The following SSH3 variants were observed in gnomAD, a reference collection of about 807,000 sequenced individuals.
SSH3 encodes slingshot protein phosphatase 3, also known as protein phosphatase Slingshot homolog 3.
SSH3 carries 67 observed loss-of-function variants against 75.0 expected under a neutral mutation model. That is an observed-to-expected ratio of 0.89 (90% confidence interval 0.73 to 1.10). The LOEUF is 1.10. SSH3 is among the 50% of genes least tolerant of loss of function. The pLI is 0.00. For synonymous variants in SSH3, 318 were observed against 349.2 expected (o/e 0.91, Z 1.00); for missense variants, 824 against 872.7 (o/e 0.94, Z 0.70).
chr11:67,309,227 T>C lies in SSH3; in HGVS notation c.1062-170T>C, dbSNP rs2134782413. ...GCCCAGCAGGGCAAGATGATTGGTC[T>C]AAGGTCGCAGCCAGGTGACAGCTGG... On this transcript the variant is annotated intron_variant, in intron 10 of 13. Coordinates refer to ENST00000308127, the MANE Select transcript of SSH3 (RefSeq NM_017857.4). 6 of 783,594 alleles carry C rather than the reference T, an allele frequency of 7.7e-6. No individual in the cohort carries two copies. The South Asian group carries it at 1.1e-4, about 14-fold the overall frequency. 48.5% of individuals were successfully genotyped at this position (783,594 alleles called of 1,614,324 possible). A position where few individuals can be genotyped will look rare whatever the true frequency, so the allele number is the denominator to read the frequency against.
rs780363712 is a variant in SSH3, at chr11:67,305,051, C to T, written c.339+44C>T. 2.8e-5 allele frequency: 43 copies of T among 1,554,110 alleles called. No homozygotes were observed. The East Asian group carries it at 2.8e-4, about 10-fold the overall frequency. ...CTCCGGGGGGTGGGGGGAAGAGACA[C>T]GCCTGAGGGCAGAATGGAGCCCTGT... is the stretch of plus-strand genomic sequence containing the variant. On this transcript the variant is annotated intron_variant, in intron 3 of 13. Transcript: ENST00000308127.
rs1159311649 is a variant in SSH3 at position 67,307,469 on chromosome 11, C to T, written c.602+33C>T. 2 of 1,613,772 alleles carry T rather than the reference C, an allele frequency of 1.2e-6. No individual in the cohort carries two copies. The highest frequency in any genetic ancestry group is 1.3e-5 in the African/African-American group (1 of 75,062). On this transcript the variant is annotated intron_variant, in intron 6 of 13. Coordinates refer to ENST00000308127, the MANE Select transcript of SSH3 (RefSeq NM_017857.4). The surrounding 1 kb of genome is among the most constrained non-coding windows in gnomAD (Gnocchi z 4.2). ...CAGAGACTGCCTGGACTCAGGCCAG[C>T]CTCTCCTTCGAAGGAGGCTGCAGGG...
Position 67,303,547 on chromosome 11 carries a change from C to T in SSH3, c.-79C>T, listed in dbSNP as rs1287578495. 4 of 1,417,440 alleles carry T rather than the reference C, an allele frequency of 2.8e-6. No homozygotes were observed. In the Admixed American group the frequency reaches 8.9e-5, roughly 32 times the overall value. The allele number at this position is 1,417,440 out of a possible 1,614,324, so 87.8% of individuals were successfully genotyped here. ...GTGGCGCCGTCCGTCCTTCCTGGTC[C>T]TGCGGGTCCAGGACTGTCCGCGGGG... is the stretch of plus-strand genomic sequence containing the variant. On this transcript the variant is annotated 5_prime_UTR_variant, in exon 1 of 14. Coordinates refer to ENST00000308127, the MANE Select transcript of SSH3 (RefSeq NM_017857.4).
intron 1 of SSH3, chr11:67,303,914 C>A (rs1229366663): frequency 1.3e-6 from 1 of 780,600 alleles, no homozygotes; most frequent in Non-Finnish European, 1.9e-6. Context: ...TCTGAGCGCG[C>A]CCCCCGCCAC....
Position 67,310,343 on chromosome 11 carries a change from A to G in SSH3, c.1683+4A>G. 1 of 1,600,538 alleles carries G rather than the reference A, an allele frequency of 6.2e-7. No individual in the cohort carries two copies. Among genetic ancestry groups the G allele is most frequent in the Non-Finnish European group, 8.5e-7 (1 of 1,171,500 alleles). The stretch of plus-strand genomic sequence containing the variant: ...AGAGACCAGTGACATGCCAGAGGTG[A>G]GGCTGGGGCTGGGGGAGCTCAGCTT... On this transcript the variant is annotated splice_donor_region_variant and intron_variant, in intron 13 of 13. Coordinates refer to ENST00000308127, the MANE Select transcript of SSH3 (RefSeq NM_017857.4).
rs772881395 is a variant in SSH3, at chr11:67,307,094, G to C, written c.517G>C (p.Val173Leu). The change falls in exon 5 of 14, where the codon GTG becomes CTG. Residue 173 changes from valine (V) to leucine (L), a missense_variant. Transcript: ENST00000308127. The surrounding 1 kb of genome is among the most constrained non-coding windows in gnomAD (Gnocchi z 4.2). ...CTTGCCCCTCTGGAGTGACACCCAG[G>C]TGTACTTAGATGGAGACGGGTAAGC... ...LVLPLWSDTQVYLDGDGGFSV... is the reference protein window; with the variant it reads ...LVLPLWSDTQLYLDGDGGFSV... The C allele has an allele frequency of 6.2e-7, 1 of 1,613,976 alleles. No homozygotes were observed. The highest frequency in any genetic ancestry group is 1.3e-5 in the African/African-American group (1 of 75,058).
intron 3 of SSH3, among the ~76,000 whole-genome samples, chr11:67,306,558 G>A (rs1861250533): frequency 6.6e-6 from 1 of 152,202 alleles, no homozygotes; most frequent in Non-Finnish European, 1.5e-5. Flanking sequence ...CTGTGATGGT[G>A]CCACTGTACT....
Position 67,311,792 on chromosome 11 carries a change from G to A in SSH3, c.1885G>A (p.Gly629Arg), listed in dbSNP as rs767244033. Residue 629 changes from glycine (G) to arginine (R), a missense_variant, in exon 14 of 14, where the codon GGG (glycine) becomes AGG (arginine). By Grantham distance (125) the Gly-to-Arg change is moderately radical. Transcript: ENST00000308127. ...FQEQEQGQGQ[G>R]QGEPCISSTP... ...GGAGCAGGAGCAGGGGCAGGGGCAG[G>A]GGCAGGGAGAGCCCTGCATTTCCTC... 1.2e-6 allele frequency: 2 copies of A among 1,613,730 alleles called. No individual in the cohort carries two copies. Among genetic ancestry groups the A allele is most frequent in the South Asian group, 2.2e-5 (2 of 91,080 alleles).
Position 67,310,191 on chromosome 11 carries a change from T to C in SSH3, c.1535T>C (p.Val512Ala). ...PEPEGGGEEK[V>A]VGMEESQAAP... ...CCTGAGGGTGGTGGGGAGGAGAAGGTTGTAGGCATGGAAGAGAGCCAGGCA... is the reference window on the plus strand; with the variant it reads ...CCTGAGGGTGGTGGGGAGGAGAAGGCTGTAGGCATGGAAGAGAGCCAGGCA... The change falls in exon 13 of 14, where the codon GTT (valine) becomes GCT (alanine). Residue 512 changes from valine to alanine, a missense_variant. Physicochemically the swap from Val to Ala is moderately conservative, Grantham distance 64. Coordinates refer to ENST00000308127, the MANE Select transcript of SSH3 (RefSeq NM_017857.4). The C allele has an allele frequency of 6.2e-7, 1 of 1,614,036 alleles. No individual in the cohort carries two copies. Among genetic ancestry groups the C allele is most frequent in the Non-Finnish European group, 8.5e-7 (1 of 1,179,986 alleles).
At position 67,307,941 on chromosome 11, in the gene SSH3, T is replaced by A. The variant is rs140131158; in HGVS notation, c.885+2T>A. 3.1e-6 allele frequency: 5 copies of A among 1,614,126 alleles called. No individual in the cohort carries two copies. Among genetic ancestry groups the A allele is most frequent in the Non-Finnish European group, 4.2e-6 (5 of 1,179,986 alleles). On this transcript the variant is annotated splice_donor_variant, in intron 8 of 13. Transcript: ENST00000308127. LOFTEE classifies it high-confidence loss of function. The surrounding 1 kb of genome is among the most constrained non-coding windows in gnomAD (Gnocchi z 4.2). Reference sequence around the variant, plus strand: ...CTGGAGAGTGTCACTTCCAAAGAGGTGGGCAGGGGGCCCGGGGACTGAGTC... The same window carrying A: ...CTGGAGAGTGTCACTTCCAAAGAGGAGGGCAGGGGGCCCGGGGACTGAGTC...
intron 10 of SSH3, chr11:67,309,139 T>G: frequency 3.9e-6 from 2 of 508,442 alleles, no homozygotes; most frequent in East Asian, 3.5e-5. Context: ...AACTCATTTC[T>G]GAGAATAACT....
Position 67,307,005 on chromosome 11 carries a change from CA to C in SSH3, c.465-36del, listed in dbSNP as rs758259473. The C allele has an allele frequency of 2.6e-5, 42 of 1,613,684 alleles. No individual in the cohort carries two copies. The highest frequency in any genetic ancestry group is 7.7e-5 in the South Asian group (7 of 91,070). On this transcript the variant is annotated intron_variant, in intron 4 of 13. Coordinates refer to ENST00000308127, the MANE Select transcript of SSH3 (RefSeq NM_017857.4). This position sits in a 1 kb window ranked among gnomAD's most constrained non-coding sequence, Gnocchi z 4.2. ...AAAGGAGGGGCAAAGAGGTGAGGGA[CA>C]GGGGGGACAATGGCTTTCCCTCTGT...
Position 67,310,092 on chromosome 11 carries a change from A to C in SSH3, c.1436A>C (p.Lys479Thr). The C allele has an allele frequency of 6.2e-7, 1 of 1,613,638 alleles. No individual in the cohort carries two copies. The highest frequency in any genetic ancestry group is 8.5e-7 in the Non-Finnish European group (1 of 1,179,770). ...ASRQSHVWEQ[K>T]VGGVSPEEHP... ...CGCCAGAGCCATGTCTGGGAGCAGA[A>C]AGTGGGTGGGGTCTCCCCAGAGGAG... Residue 479 changes from lysine (K) to threonine (T), a missense_variant, in exon 13 of 14, where the codon AAA becomes ACA. Lys to Thr is a moderately conservative substitution (Grantham distance 78). Coordinates refer to ENST00000308127, the MANE Select transcript of SSH3 (RefSeq NM_017857.4).
Position 67,307,186 on chromosome 11 carries a change from G to C in SSH3, c.536+73G>C. The C allele has an allele frequency of 6.3e-7, 1 of 1,590,456 alleles. No individual in the cohort carries two copies. The highest frequency in any genetic ancestry group is 8.6e-7 in the Non-Finnish European group (1 of 1,169,022). On this transcript the variant is annotated intron_variant, in intron 5 of 13. Coordinates refer to ENST00000308127, the MANE Select transcript of SSH3 (RefSeq NM_017857.4). The surrounding 1 kb of genome is among the most constrained non-coding windows in gnomAD (Gnocchi z 4.2). Reference sequence around the variant, plus strand: ...GTGTGACGGATGTGACGGGGCCTGGGCACCAGGGTACAGTAGAACTTTAGG... The same window carrying C: ...GTGTGACGGATGTGACGGGGCCTGGCCACCAGGGTACAGTAGAACTTTAGG...
At position 67,308,272 on chromosome 11, in the gene SSH3, A is replaced by G; in HGVS notation, c.984A>G (p.Arg328=). 4 of 1,614,086 alleles carry G rather than the reference A, an allele frequency of 2.5e-6. No individual in the cohort carries two copies. Among genetic ancestry groups the G allele is most frequent in the Non-Finnish European group, 3.4e-6 (4 of 1,180,016 alleles). ...QMLLLVAQRD[R]ASRIFPHLYL... ...TGCTGCTGGTGGCACAGCGGGACCG[A>G]GCCTCCCGCATCTTCCCCCACCTCT... Residue 328 remains arginine (R), a synonymous_variant, in exon 9 of 14, where the codon CGA becomes CGG. Coordinates refer to ENST00000308127, the MANE Select transcript of SSH3 (RefSeq NM_017857.4). The surrounding 1 kb of genome is among the most constrained non-coding windows in gnomAD (Gnocchi z 4.9).
chr11:67,303,844 G>C, intron 1 of SSH3, 153 bp downstream of exon 1: 1 of 829,666 alleles, frequency 1.2e-6, no homozygotes, highest in South Asian at 2.1e-5. Flanking sequence ...AGGGTCTCTG[G>C]TACTGGCGCC....
intron 13 of SSH3, 110 bp from the exon 14 acceptor site, chr11:67,311,481 C>T: frequency 7.1e-7 from 1 of 1,405,936 alleles, no homozygotes; most frequent in South Asian, 1.2e-5. Flanking sequence ...CCCTCGCCTC[C>T]TCCTGGCTCT....
At position 67,304,968 on chromosome 11, in the gene SSH3, C is replaced by T; in HGVS notation, c.300C>T (p.Leu100=). ...KQEEQRQHLH[L]MVQLLRPQDD... is the part of the protein sequence containing the mutation. Reference sequence around the variant, plus strand: ...AGGAGCAGAGGCAGCACCTGCACCTCATGGTACAGCTGCTGAGGCCGCAGG... The same window carrying T: ...AGGAGCAGAGGCAGCACCTGCACCTTATGGTACAGCTGCTGAGGCCGCAGG... The change falls in exon 3 of 14, where the codon CTC becomes CTT. Residue 100 remains leucine (L), a synonymous_variant. Transcript: ENST00000308127. 3.1e-6 allele frequency: 5 copies of T among 1,613,004 alleles called. No homozygotes were observed. The highest frequency in any genetic ancestry group is 4.2e-6 in the Non-Finnish European group (5 of 1,179,876).
chr11:67,308,790 G>T lies in SSH3; in HGVS notation c.1061+332G>T, dbSNP rs1861329375. On this transcript the variant is annotated intron_variant, in intron 10 of 13. Coordinates refer to ENST00000308127, the MANE Select transcript of SSH3 (RefSeq NM_017857.4). The surrounding 1 kb of genome is among the most constrained non-coding windows in gnomAD (Gnocchi z 4.9). ...AAAAAGGCTCCTCTTGAATGCGCCTGTGGGCCCAGCTACTTGGGAGGCTGA... is the reference window on the plus strand; with the variant it reads ...AAAAAGGCTCCTCTTGAATGCGCCTTTGGGCCCAGCTACTTGGGAGGCTGA... Among the ~76,000 whole-genome samples, 1 of 152,100 alleles carries T rather than the reference G, an allele frequency of 6.6e-6. No homozygotes were observed. Among genetic ancestry groups the T allele is most frequent in the Non-Finnish European group, 1.5e-5 (1 of 68,030 alleles).
Sources: gnomAD v4.1 joint callset for allele counts (sites outside exome capture counted in the v4.1 genomes callset) on GRCh38, gnomAD v4.1.1 for gene constraint, Gnocchi (gnomAD v3.1) non-coding constraint, MANE v1.5 for transcripts, NCBI Gene and HGNC (gene_info 2026-07-23, HGNC 2026-07-21) for gene names.